The following VWC2L variants were observed in gnomAD, a reference collection of about 807,000 sequenced individuals.
VWC2L encodes the protein von Willebrand factor C domain containing 2 like.
VWC2L carries 10 observed loss-of-function variants against 21.6 expected under a neutral mutation model. That is an observed-to-expected ratio of 0.46 (90% confidence interval 0.29 to 0.78). The LOEUF (loss-of-function observed/expected upper bound fraction) is 0.78, where lower values mean the gene tolerates loss of function less well. VWC2L is among the 30% of genes least tolerant of loss of function. The pLI is 0.10. For synonymous variants in VWC2L, 96 were observed against 94.3 expected (o/e 1.02, Z -0.10); for missense variants, 209 against 277.1 (o/e 0.75, Z 1.74).
At chr2:214,544,216 C>T (rs1689670553) in intron 3 of VWC2L, among the ~76,000 whole-genome samples, 1 of 152,102 alleles carries the variant, frequency 6.6e-6, no homozygotes, top group African/African-American at 2.4e-5. Context: ...GTGCCATATT[C>T]CTAGCATTCT....
intron 2 of VWC2L, among the ~76,000 whole-genome samples, chr2:214,431,385 G>A (rs574923870): frequency 6.6e-6 from 1 of 152,232 alleles, no homozygotes; most frequent in Admixed American, 6.5e-5. Context: ...TTTAAGGGGA[G>A]TTTTTTGAAA....
chr2:214,502,288 T>C (rs1688904439), intron 3 of VWC2L, among the ~76,000 whole-genome samples: 1 of 152,084 alleles, frequency 6.6e-6, no homozygotes, highest in Non-Finnish European at 1.5e-5. Flanking sequence ...ATGACAACGA[T>C]TGGCAGGGCA....
intron 3 of VWC2L, among the ~76,000 whole-genome samples, chr2:214,565,051 C>A (rs1334945896): frequency 6.6e-6 from 1 of 152,152 alleles, no homozygotes; most frequent in East Asian, 1.9e-4. Context: ...TCTGCATAAT[C>A]ACTTTCTTAT....
chr2:214,542,648 G>A (rs978495254), intron 3 of VWC2L, among the ~76,000 whole-genome samples: 10 of 152,078 alleles, frequency 6.6e-5, no homozygotes, highest in African/African-American at 1.9e-4. Flanking sequence ...TGCAGGCAGC[G>A]GTCAAAACAA....
chr2:214,567,590 ACACACAG>A (rs1690086484), intron 3 of VWC2L, among the ~76,000 whole-genome samples: 1 of 126,758 alleles, frequency 7.9e-6, no homozygotes, highest in Non-Finnish European at 1.7e-5. Context: ...ACACACACAC[ACACACAG>A]AGAGAGAGAG....
intron 3 of VWC2L, among the ~76,000 whole-genome samples, chr2:214,440,616 C>A (rs1437796412): frequency 6.6e-6 from 1 of 151,958 alleles, no homozygotes; most frequent in Non-Finnish European, 1.5e-5. Context: ...AGTAATGTGG[C>A]TATATGTATA....
At chr2:214,552,594 T>C (rs1298031469) in intron 3 of VWC2L, among the ~76,000 whole-genome samples, 2 of 152,158 alleles carry the variant, frequency 1.3e-5, no homozygotes, top group Non-Finnish European at 2.9e-5. Flanking sequence ...TGTTATATCA[T>C]CCTACTCCTA....
intron 3 of VWC2L, among the ~76,000 whole-genome samples, chr2:214,542,833 C>T (rs1420028263): frequency 6.6e-6 from 1 of 152,100 alleles, no homozygotes; most frequent in Admixed American, 6.6e-5. Context: ...TTATATAAAC[C>T]TCCACATTAC....
rs146133417 is a variant in VWC2L, at chr2:214,513,517, C to T, written c.521-62155C>T. 2.7e-3 allele frequency among the ~76,000 whole-genome samples: 415 copies of T among 152,176 alleles called. 9 individuals carry two copies. Among genetic ancestry groups the T allele is most frequent in the African/African-American group, 9.1e-3 (377 of 41,452 alleles). On this transcript the variant is annotated intron_variant, in intron 3 of 3. Transcript: ENST00000312504. ...ACGAATTCCATGCAAACATTCGTAACGTGGCAGAGAAGATTTTCACTATTG... is the reference window on the plus strand; with the variant it reads ...ACGAATTCCATGCAAACATTCGTAATGTGGCAGAGAAGATTTTCACTATTG...
chr2:214,513,148 T>C (rs1052273406), intron 3 of VWC2L, among the ~76,000 whole-genome samples: 1 of 152,130 alleles, frequency 6.6e-6, no homozygotes, highest in Non-Finnish European at 1.5e-5. Flanking sequence ...GCACTGATGG[T>C]AACATTTTAG....
intron 3 of VWC2L, among the ~76,000 whole-genome samples, chr2:214,551,676 C>T (rs1380367123): frequency 1.3e-5 from 2 of 152,148 alleles, no homozygotes; most frequent in Non-Finnish European, 2.9e-5. Flanking sequence ...ATTAATCCAC[C>T]CTCTTTCTTG....
chr2:214,450,119 T>G (rs1227081203), intron 3 of VWC2L, among the ~76,000 whole-genome samples: 1 of 152,162 alleles, frequency 6.6e-6, no homozygotes, highest in Non-Finnish European at 1.5e-5. Flanking sequence ...TGTCTTTGGA[T>G]TAGATGTGAT....
At chr2:214,570,193 C>A (rs117541083) in intron 3 of VWC2L, among the ~76,000 whole-genome samples, 7,914 of 152,198 alleles carry the variant, frequency 0.052, 480 homozygotes, top group East Asian at 0.26. Flanking sequence ...AAGGATAGAG[C>A]CCTGGGCTCT....
chr2:214,455,283 G>C (rs1047360682), intron 3 of VWC2L, among the ~76,000 whole-genome samples: 3 of 152,058 alleles, frequency 2.0e-5, no homozygotes, highest in Non-Finnish European at 4.4e-5. Flanking sequence ...GTTAGCTTTG[G>C]AAGTTTGTAT....
chr2:214,482,652 T>A (rs1688623389), intron 3 of VWC2L, among the ~76,000 whole-genome samples: 1 of 148,282 alleles, frequency 6.7e-6, no homozygotes, highest in Admixed American at 6.7e-5. Flanking sequence ...TAAATAAATA[T>A]ATATATATAT....
chr2:214,515,424 C>G (rs1009185280), intron 3 of VWC2L, among the ~76,000 whole-genome samples: 1 of 152,178 alleles, frequency 6.6e-6, no homozygotes, highest in Non-Finnish European at 1.5e-5. Context: ...ATCCTGTGTG[C>G]GGCTGTATCA....
intron 3 of VWC2L, among the ~76,000 whole-genome samples, chr2:214,520,913 A>G (rs1689228067): frequency 1.3e-5 from 2 of 152,202 alleles, no homozygotes; most frequent in Admixed American, 6.5e-5. Flanking sequence ...ATAGTAATAT[A>G]TATGATTATT....
chr2:214,446,971 C>T (rs1176543018), intron 3 of VWC2L, among the ~76,000 whole-genome samples: 2 of 152,106 alleles, frequency 1.3e-5, no homozygotes, highest in Admixed American at 6.6e-5. Context: ...TCTTAAACCT[C>T]GTTCCTGTCT....
chr2:214,424,697 T>A (rs1199533084), intron 2 of VWC2L, among the ~76,000 whole-genome samples: 20 of 152,204 alleles, frequency 1.3e-4, no homozygotes, highest in Non-Finnish European at 7.4e-5. Context: ...ATCTTAAAGT[T>A]CACAAAAGTT....
Sources: gnomAD v4.1 joint callset for allele counts (sites outside exome capture counted in the v4.1 genomes callset) on GRCh38, gnomAD v4.1.1 for gene constraint, MANE v1.5 for transcripts, NCBI Gene and HGNC (gene_info 2026-07-23, HGNC 2026-07-21) for gene names.